The following ABTB3 variants were observed in gnomAD, a reference collection of about 807,000 sequenced individuals.
The protein encoded by ABTB3 is ankyrin repeat- and BTB/POZ domain-containing protein 3.
the ABTB3 span, among the ~76,000 whole-genome samples, chr12:107,368,587 C>T: frequency 6.6e-6 from 1 of 152,026 alleles, no homozygotes; most frequent in Non-Finnish European, 1.5e-5. Context: ...CCATATGGAC[C>T]CCATGCAAGT....
the ABTB3 span, among the ~76,000 whole-genome samples, chr12:107,476,065 G>T: frequency 1.3e-5 from 2 of 152,162 alleles, no homozygotes; most frequent in African/African-American, 2.4e-5. Flanking sequence ...CAGAAGCCGG[G>T]GCCCTGATTT....
chr12:107,413,348 G>A, the ABTB3 span, among the ~76,000 whole-genome samples: 1 of 152,190 alleles, frequency 6.6e-6, no homozygotes, highest in African/African-American at 2.4e-5. Flanking sequence ...TGCAGATGAG[G>A]AAGCTGAAGT....
At chr12:107,504,194 G>A in the ABTB3 span, among the ~76,000 whole-genome samples, 1 of 152,196 alleles carries the variant, frequency 6.6e-6, no homozygotes, top group Non-Finnish European at 1.5e-5. Context: ...GTTTTTAAAA[G>A]ACAATTTAGT....
the ABTB3 span, among the ~76,000 whole-genome samples, chr12:107,419,107 C>A: frequency 6.6e-6 from 1 of 152,182 alleles, no homozygotes; most frequent in Non-Finnish European, 1.5e-5. Context: ...GGTTGCATAC[C>A]CCCAGGGGAG....
At chr12:107,408,241 G>T in the ABTB3 span, among the ~76,000 whole-genome samples, 2 of 152,282 alleles carry the variant, frequency 1.3e-5, no homozygotes, top group South Asian at 4.1e-4. Context: ...GAAGTAATTT[G>T]GAAAGTGTAC....
the ABTB3 span, among the ~76,000 whole-genome samples, chr12:107,421,801 A>G: frequency 6.6e-6 from 1 of 152,206 alleles, no homozygotes; most frequent in East Asian, 1.9e-4. Context: ...TTCATTGTGC[A>G]GATGGAGAAA....
the ABTB3 span, among the ~76,000 whole-genome samples, chr12:107,573,807 A>G: frequency 2.6e-5 from 4 of 152,150 alleles, no homozygotes; most frequent in Admixed American, 2.0e-4. Context: ...GACGCCTCCA[A>G]CTGTTCGGAT....
the ABTB3 span, among the ~76,000 whole-genome samples, chr12:107,372,048 C>T: frequency 2.0e-5 from 3 of 152,172 alleles, no homozygotes; most frequent in Non-Finnish European, 4.4e-5. Flanking sequence ...AGTATCTTCA[C>T]TTCATAAAAA....
chr12:107,506,761 T>C, the ABTB3 span, among the ~76,000 whole-genome samples: 1 of 152,220 alleles, frequency 6.6e-6, no homozygotes, highest in African/African-American at 2.4e-5. Flanking sequence ...GTATGGTGTT[T>C]TTCTCATACC....
the ABTB3 span, among the ~76,000 whole-genome samples, chr12:107,389,706 A>G: frequency 6.6e-6 from 1 of 151,832 alleles, no homozygotes; most frequent in East Asian, 1.9e-4. Flanking sequence ...CTGCTCCAAC[A>G]ACGTCAGCTG....
At chr12:107,633,194 A>C in the ABTB3 span, among the ~76,000 whole-genome samples, 5 of 152,164 alleles carry the variant, frequency 3.3e-5, no homozygotes, top group Non-Finnish European at 7.4e-5. Context: ...TTGGGAGGTG[A>C]GTAGGTCTAC....
chr12:107,606,128 G>A, the ABTB3 span, among the ~76,000 whole-genome samples: 1 of 152,302 alleles, frequency 6.6e-6, no homozygotes, highest in East Asian at 1.9e-4. Context: ...AAGAGGGCAG[G>A]ATGGGGGGTC....
the ABTB3 span, chr12:107,657,616 T>A: frequency 6.2e-7 from 1 of 1,614,160 alleles, no homozygotes; most frequent in Non-Finnish European, 8.5e-7. Flanking sequence ...ATGACAAAAA[T>A]GGTGAAGGGA....
the ABTB3 span, among the ~76,000 whole-genome samples, chr12:107,344,766 G>A: frequency 1.3e-5 from 2 of 152,316 alleles, no homozygotes; most frequent in Admixed American, 1.3e-4. Flanking sequence ...ATTGTCCCTA[G>A]TGCATGATAA....
chr12:107,378,158 A>G, the ABTB3 span, among the ~76,000 whole-genome samples: 3 of 152,348 alleles, frequency 2.0e-5, no homozygotes, highest in African/African-American at 7.2e-5. Flanking sequence ...CCCTGTCCAG[A>G]AAACACTTGT....
At chr12:107,467,978 G>A in the ABTB3 span, among the ~76,000 whole-genome samples, 1 of 152,124 alleles carries the variant, frequency 6.6e-6, no homozygotes, top group African/African-American at 2.4e-5. Flanking sequence ...CTCCCCATGT[G>A]CAGGAAGAAG....
chr12:107,463,092 GTGA>G, the ABTB3 span, among the ~76,000 whole-genome samples: 3 of 151,602 alleles, frequency 2.0e-5, no homozygotes, highest in Non-Finnish European at 4.4e-5. Context: ...GGTAGTGACA[GTGA>G]TGATGATGGT....
chr12:107,366,573 G>C, the ABTB3 span, among the ~76,000 whole-genome samples: 147 of 152,248 alleles, frequency 9.7e-4, 1 homozygote, highest in East Asian at 0.026. Context: ...CTTGGGAGCT[G>C]CCATCTCTCT....
At chr12:107,608,148 C>G in the ABTB3 span, among the ~76,000 whole-genome samples, 1 of 152,292 alleles carries the variant, frequency 6.6e-6, no homozygotes, top group East Asian at 1.9e-4. Flanking sequence ...ATATCTGAGG[C>G]GGACAGGCAC....
Sources: allele counts gnomAD v4.1 joint callset (sites outside exome capture counted in the v4.1 genomes callset), GRCh38; gene constraint gnomAD v4.1.1; transcripts MANE v1.5; gene names NCBI Gene and HGNC (gene_info 2026-07-23, HGNC 2026-07-21).